SMYD3: variants seen among roughly 807,000 people sequenced by gnomAD.
SMYD3 encodes histone-lysine N-methyltransferase SMYD3.
Under a neutral mutation model 57.7 loss-of-function variants are expected in SMYD3, and 36 were observed. That is an observed-to-expected ratio of 0.62 (90% confidence interval 0.48 to 0.82). SMYD3 has a LOEUF of 0.82. Among genes scored for constraint, SMYD3 ranks in the 40% least tolerant of loss-of-function variants. The probability of loss-of-function intolerance (pLI) is 0.00; values close to 1 mark genes in which losing one functional copy is unlikely to be tolerated. For missense variants in SMYD3, 515 were observed against 538.8 expected, an observed-to-expected ratio of 0.96 and a Z score of 0.44; for synonymous variants, 211 against 195.0, an observed-to-expected ratio of 1.08 and a Z score of -0.68.
intron 11 of SMYD3, among the ~76,000 whole-genome samples, chr1:245,751,542 A>AGAG (rs1558298934): frequency 1.5e-5 from 2 of 129,478 alleles, no homozygotes; most frequent in East Asian, 4.4e-4. Flanking sequence ...AAGAGAGAGA[A>AGAG]AGAGAGAGAG....
chr1:246,493,497 AG>A (rs1558490235), intron 1 of SMYD3, among the ~76,000 whole-genome samples: 1 of 152,196 alleles, frequency 6.6e-6, no homozygotes, highest in African/African-American at 2.4e-5. Flanking sequence ...TAGGCCAAAA[AG>A]GGGCACTATT....
chr1:246,294,842 G>A (rs1248009420), intron 5 of SMYD3, among the ~76,000 whole-genome samples: 16 of 152,012 alleles, frequency 1.1e-4, no homozygotes, highest in Non-Finnish European at 1.6e-4. Context: ...CAAGTGATCT[G>A]CCCACCTCAG....
intron 10 of SMYD3, among the ~76,000 whole-genome samples, chr1:245,853,208 A>C (rs2051062742): frequency 6.6e-6 from 1 of 152,194 alleles, no homozygotes; most frequent in South Asian, 2.1e-4. Flanking sequence ...ACTGGCTCTG[A>C]GTTGTTCTCT....
intron 5 of SMYD3, among the ~76,000 whole-genome samples, chr1:246,265,528 GC>G (rs1282034502): frequency 3.3e-5 from 5 of 152,108 alleles, no homozygotes; most frequent in Non-Finnish European, 7.4e-5. Context: ...GAGACAAGAG[GC>G]TGACTCCAGA....
chr1:246,000,051 T>C (rs550886898), intron 5 of SMYD3, among the ~76,000 whole-genome samples: 1 of 152,372 alleles, frequency 6.6e-6, no homozygotes, highest in African/African-American at 2.4e-5. Context: ...ATGACTGTTC[T>C]TGACTCCTAG....
chr1:246,378,517 G>C (rs2066317675), intron 1 of SMYD3, among the ~76,000 whole-genome samples: 1 of 150,174 alleles, frequency 6.7e-6, no homozygotes, highest in Non-Finnish European at 1.5e-5. Flanking sequence ...TCCTGCCCTT[G>C]AACATCAGAC....
At chr1:246,069,823 C>T (rs1374144607) in intron 5 of SMYD3, among the ~76,000 whole-genome samples, 1 of 152,124 alleles carries the variant, frequency 6.6e-6, no homozygotes, top group Non-Finnish European at 1.5e-5. Flanking sequence ...GTGGGCAGGA[C>T]GAATGAGACT....
chr1:245,791,446 C>T (rs368041976), intron 10 of SMYD3, among the ~76,000 whole-genome samples: 1 of 152,188 alleles, frequency 6.6e-6, no homozygotes, highest in East Asian at 1.9e-4. Flanking sequence ...AAACTCAGGG[C>T]ATGGTGACAC....
intron 11 of SMYD3, among the ~76,000 whole-genome samples, chr1:245,761,241 G>A (rs138044659): frequency 3.9e-4 from 59 of 152,252 alleles, no homozygotes; most frequent in African/African-American, 1.3e-3. Flanking sequence ...CAGGGTGTAT[G>A]CCTGAGCTTC....
intron 8 of SMYD3, among the ~76,000 whole-genome samples, chr1:245,887,588 A>G (rs547024305): frequency 7.2e-5 from 11 of 152,278 alleles, no homozygotes; most frequent in African/African-American, 2.2e-4. Flanking sequence ...AACCATCTCA[A>G]TGAAAATTCC....
At chr1:245,755,823 T>C (rs1017287486) in intron 11 of SMYD3, among the ~76,000 whole-genome samples, 1 of 152,096 alleles carries the variant, frequency 6.6e-6, no homozygotes, top group Non-Finnish European at 1.5e-5. Flanking sequence ...TTGAGTCATT[T>C]GTTAAAAATC....
Position 245,860,373 on chromosome 1 carries a change from G to A in SMYD3, c.902-1703C>T, listed in dbSNP as rs538098299. ...AATGTCCATACCCTTCTCAGAACAC[G>A]GCTTTCTGAAACATTAGCAAATACT... On this transcript the variant is annotated intron_variant, in intron 9 of 11. Transcript: ENST00000490107. Among the ~76,000 whole-genome samples the A allele has an allele frequency of 3.9e-5, 6 of 152,202 alleles. No individual in the cohort carries two copies. In the South Asian group the frequency reaches 8.3e-4, roughly 21 times the overall value.
At chr1:246,506,978 G>GCCCCCCCCCCCCCCCC in intron 1 of SMYD3, 76 bp downstream of exon 1, 3 of 1,174,510 alleles carry the variant, frequency 2.6e-6, no homozygotes, top group East Asian at 3.5e-5. Context: ...CGCGGCTGCC[G>GCCCCCCCCCCCCCCCC]GCCGCCCGAC....
chr1:246,319,868 A>G (rs140644772), intron 5 of SMYD3, among the ~76,000 whole-genome samples: 36 of 152,338 alleles, frequency 2.4e-4, no homozygotes, highest in African/African-American at 8.7e-4. Flanking sequence ...GATGAAAAGG[A>G]TACACAAAAA....
Position 246,202,358 on chromosome 1 carries a change from A to T in SMYD3, c.531+124843T>A, listed in dbSNP as rs2062935222. On this transcript the variant is annotated intron_variant, in intron 5 of 11. Coordinates refer to ENST00000490107, the MANE Select transcript of SMYD3 (RefSeq NM_001167740.2). This position sits in a 1 kb window ranked among gnomAD's most constrained non-coding sequence, Gnocchi z 4.1. ...ACCACCTTTACATTTTTCATATCTGACCGCCCTATCATTGGCCTATGAAGC... is the reference window on the plus strand; with the variant it reads ...ACCACCTTTACATTTTTCATATCTGTCCGCCCTATCATTGGCCTATGAAGC... 6.6e-6 allele frequency among the ~76,000 whole-genome samples: 1 copy of T among 152,050 alleles called. No individual in the cohort carries two copies. Among genetic ancestry groups the T allele is most frequent in the Non-Finnish European group, 1.5e-5 (1 of 68,016 alleles).
At chr1:246,283,841 C>G (rs571750388) in intron 5 of SMYD3, among the ~76,000 whole-genome samples, 29 of 152,198 alleles carry the variant, frequency 1.9e-4, no homozygotes, top group Non-Finnish European at 2.9e-4. Context: ...CACTTGCCAG[C>G]TTTCACAGCC....
Position 246,012,231 on chromosome 1 carries a change from C to G in SMYD3, c.532-82294G>C, listed in dbSNP as rs532466087. 2.6e-5 allele frequency among the ~76,000 whole-genome samples: 4 copies of G among 152,222 alleles called. No individual in the cohort carries two copies. The South Asian group carries it at 8.3e-4, about 32-fold the overall frequency. ...CTCCATTACATAAAGCGTTGAAAAC[C>G]ACACACCATGACAATAAAGACCCAA... On this transcript the variant is annotated intron_variant, in intron 5 of 11. Coordinates refer to ENST00000490107, the MANE Select transcript of SMYD3 (RefSeq NM_001167740.2).
chr1:245,985,402 A>G (rs1222987727), intron 5 of SMYD3, among the ~76,000 whole-genome samples: 1 of 152,204 alleles, frequency 6.6e-6, no homozygotes, highest in Non-Finnish European at 1.5e-5. Context: ...CTTAAAAGTG[A>G]ACCCATTAAT....
chr1:246,424,984 T>C (rs938382388), intron 1 of SMYD3, among the ~76,000 whole-genome samples: 3 of 152,224 alleles, frequency 2.0e-5, no homozygotes, highest in African/African-American at 4.8e-5. Context: ...CTAACTATGA[T>C]AGAATTCATA....
Sources: gnomAD v4.1 joint callset for allele counts (sites outside exome capture counted in the v4.1 genomes callset) on GRCh38, gnomAD v4.1.1 for gene constraint, Gnocchi (gnomAD v3.1) non-coding constraint, MANE v1.5 for transcripts, NCBI Gene and HGNC (gene_info 2026-07-23, HGNC 2026-07-21) for gene names.